The following GPHN variants were observed in gnomAD, a reference collection of about 807,000 sequenced individuals.
GPHN encodes the protein gephyrin.
In GPHN, 17 loss-of-function variants were observed where a neutral mutation model predicts 95.5. The observed-to-expected ratio is 0.18, with a 90% CI of 0.12 to 0.27. The LOEUF is 0.27. Ranked by LOEUF, GPHN falls within the 10% of genes least tolerant of loss-of-function variation. GPHN has a pLI of 1.00. For synonymous variants in GPHN, 320 were observed against 322.5 expected, an observed-to-expected ratio of 0.99 and a Z score of 0.08; for missense variants, 660 against 978.1, an observed-to-expected ratio of 0.67 and a Z score of 4.34.
At chr14:67,578,034 C>T in the GPHN span, 1 of 1,613,650 alleles carries the variant, frequency 6.2e-7, no homozygotes, top group Non-Finnish European at 8.5e-7. The surrounding 1 kb of genome is among the most constrained non-coding windows in gnomAD (Gnocchi z 5.0). Flanking sequence ...CCTGCCAGCT[C>T]TTCATCAACG....
intron 2 of GPHN, among the ~76,000 whole-genome samples, chr14:66,712,232 C>A (rs917288085): frequency 6.6e-6 from 1 of 152,172 alleles, no homozygotes; most frequent in Non-Finnish European, 1.5e-5. Flanking sequence ...TACTATTTCT[C>A]CACATCTTCT....
At chr14:67,692,441 C>G in the GPHN span, 4 of 1,614,038 alleles carry the variant, frequency 2.5e-6, no homozygotes, top group African/African-American at 1.3e-5. Context: ...CACTTACCAG[C>G]TAAGAAGCCC....
At chr14:67,419,622 G>C in the GPHN span, among the ~76,000 whole-genome samples, 1 of 152,104 alleles carries the variant, frequency 6.6e-6, no homozygotes, top group Non-Finnish European at 1.5e-5. Context: ...CAGCACTTTG[G>C]GAGGCCGAGG....
At chr14:67,141,551 A>T (rs553057350) in intron 17 of GPHN, among the ~76,000 whole-genome samples, 1 of 152,332 alleles carries the variant, frequency 6.6e-6, no homozygotes, top group South Asian at 2.1e-4. Flanking sequence ...TTTAATCCTC[A>T]TAACAACCCT....
the GPHN span, among the ~76,000 whole-genome samples, chr14:67,189,997 C>G: frequency 6.7e-6 from 1 of 149,592 alleles, no homozygotes. Context: ...TGTGCCATCA[C>G]GCCCAGCTAA....
At chr14:67,171,285 C>G (rs2082583500) in intron 21 of GPHN, among the ~76,000 whole-genome samples, 1 of 152,048 alleles carries the variant, frequency 6.6e-6, no homozygotes, top group South Asian at 2.1e-4. Flanking sequence ...ACAAACATTT[C>G]CCTTATTTCC....
intron 1 of GPHN, among the ~76,000 whole-genome samples, chr14:66,563,484 C>T (rs1218799167): frequency 6.6e-6 from 1 of 152,084 alleles, no homozygotes; most frequent in Non-Finnish European, 1.5e-5. Flanking sequence ...TCTTGTGGGG[C>T]TGGTTTTATG....
the GPHN span, among the ~76,000 whole-genome samples, chr14:67,430,147 G>A: frequency 2.0e-5 from 3 of 152,164 alleles, no homozygotes; most frequent in Admixed American, 2.0e-4. Context: ...GGTACGATGG[G>A]ACATGGAGAC....
intron 10 of GPHN, among the ~76,000 whole-genome samples, chr14:67,028,016 C>G (rs2074011728): frequency 6.6e-6 from 1 of 152,122 alleles, no homozygotes; most frequent in African/African-American, 2.4e-5. Flanking sequence ...TTTTAGCCAA[C>G]TTTTCTTTAT....
chr14:67,343,448 G>T, the GPHN span: 18 of 1,569,698 alleles, frequency 1.1e-5, no homozygotes, highest in Non-Finnish European at 1.4e-5. Flanking sequence ...TCTAAAATAA[G>T]AACAAATTAA....
chr14:67,361,032 ATTACTG>A, the GPHN span, among the ~76,000 whole-genome samples: 2 of 152,308 alleles, frequency 1.3e-5, no homozygotes, highest in Admixed American at 6.5e-5. Context: ...ACTTGAGTTT[ATTACTG>A]TTACTATCAG....
At chr14:67,082,890 T>G (rs897607458) in intron 11 of GPHN, among the ~76,000 whole-genome samples, 1 of 152,226 alleles carries the variant, frequency 6.6e-6, no homozygotes, top group South Asian at 2.1e-4. Flanking sequence ...CATTCATCAG[T>G]TGATGGATAT....
In GPHN at chr14:66,508,711, C is replaced by T; in HGVS notation, c.64+120C>T. ...AGGAGGGAAGGCTGAAGAAGGGAAC[C>T]GCGGGGGTGCATTTTACAACCGCTG... On this transcript the variant is annotated intron_variant, in intron 1 of 22. Coordinates refer to ENST00000478722, the MANE Select transcript of GPHN (RefSeq NM_020806.5). 3 of 889,248 alleles carry T rather than the reference C, an allele frequency of 3.4e-6. No homozygotes were observed. In the South Asian group the frequency reaches 4.0e-5, roughly 12 times the overall value. The allele number at this position is 889,248 out of a possible 1,614,324, so 55.1% of individuals were successfully genotyped here. A position where few individuals can be genotyped will look rare whatever the true frequency, so the allele number is the denominator to read the frequency against.
At chr14:67,196,223 C>CTTTTTTT in the GPHN span, among the ~76,000 whole-genome samples, 1 of 143,118 alleles carries the variant, frequency 7.0e-6, no homozygotes. Flanking sequence ...TTCTTTCTTT[C>CTTTTTTT]TTTTTTTTTT....
At chr14:66,686,394 C>A (rs960575772) in intron 2 of GPHN, among the ~76,000 whole-genome samples, 1 of 152,080 alleles carries the variant, frequency 6.6e-6, no homozygotes, top group Non-Finnish European at 1.5e-5. Context: ...AATAAATGTT[C>A]TTCCATTTGT....
At chr14:67,280,607 A>G in the GPHN span, among the ~76,000 whole-genome samples, 2 of 152,320 alleles carry the variant, frequency 1.3e-5, no homozygotes, top group African/African-American at 4.8e-5. Context: ...TGAATTTGCC[A>G]GATCAGGTGT....
At chr14:66,935,447 A>G (rs545677622) in intron 8 of GPHN, among the ~76,000 whole-genome samples, 202 of 150,448 alleles carry the variant, frequency 1.3e-3, no homozygotes, top group Non-Finnish European at 2.3e-3. Context: ...TTATATATAT[A>G]TGTGTGTGTG....
chr14:66,888,956 A>G (rs2064334387), intron 5 of GPHN, among the ~76,000 whole-genome samples: 1 of 152,192 alleles, frequency 6.6e-6, no homozygotes, highest in African/African-American at 2.4e-5. Context: ...ATAAATTTTA[A>G]ATCAAAAATG....
chr14:66,794,990 C>T (rs1270819566), intron 3 of GPHN, among the ~76,000 whole-genome samples: 1 of 151,974 alleles, frequency 6.6e-6, no homozygotes, highest in East Asian at 1.9e-4. Flanking sequence ...TGCTATAATC[C>T]CAGCTTCTCT....
Sources: gnomAD v4.1 joint callset for allele counts (sites outside exome capture counted in the v4.1 genomes callset) on GRCh38, gnomAD v4.1.1 for gene constraint, Gnocchi (gnomAD v3.1) non-coding constraint, MANE v1.5 for transcripts, NCBI Gene and HGNC (gene_info 2026-07-23, HGNC 2026-07-21) for gene names.